Variants in DPH7 observed in about 807,000 individuals in gnomAD.
DPH7 encodes diphthine methyltransferase.
Under a neutral mutation model 41.7 loss-of-function variants are expected in DPH7, and 44 were observed. The observed-to-expected ratio is 1.05, with a 90% CI of 0.83 to 1.36. The LOEUF (loss-of-function observed/expected upper bound fraction) is 1.36, where lower values mean the gene tolerates loss of function less well. Ranked by LOEUF, DPH7 falls within the 40% of genes most tolerant of loss-of-function variation. The probability of loss-of-function intolerance (pLI) is 0.00; values close to 1 mark genes in which losing one functional copy is unlikely to be tolerated. For synonymous variants in DPH7, 275 were observed against 238.0 expected (o/e 1.16, Z -1.43); for missense variants, 629 against 577.5 (o/e 1.09, Z -0.91).
At chr9:137,557,044 CCT>C (rs1485760344) in intron 8 of DPH7, among the ~76,000 whole-genome samples, 2 of 152,166 alleles carry the variant, frequency 1.3e-5, no homozygotes, top group African/African-American at 4.8e-5. Flanking sequence ...TGCCTCACCT[CCT>C]GAGTAGCTGC....
chr9:137,559,412 G>A (rs1014281833), intron 8 of DPH7, among the ~76,000 whole-genome samples: 6 of 151,814 alleles, frequency 4.0e-5, no homozygotes, highest in African/African-American at 1.5e-4. Flanking sequence ...TGGAAAGGGA[G>A]TCTCCCTTTC....
At chr9:137,577,867 T>C in intron 1 of DPH7, 1 of 788,178 alleles carries the variant, frequency 1.3e-6, no homozygotes, top group Non-Finnish European at 1.5e-6. Context: ...CCAGTTTGCC[T>C]GGGACAGTCC....
rs866732694 is a variant in DPH7 at position 137,567,748 on chromosome 9, T to G, written c.641-2594A>C. On this transcript the variant is annotated intron_variant, in intron 5 of 8. Coordinates refer to ENST00000277540, the MANE Select transcript of DPH7 (RefSeq NM_138778.5). ...GACTCTGTCTGTGAGGAAGCTCCCC[T>G]GGGTGACTCTGTCTGTGAGGAAGCT... Among the ~76,000 whole-genome samples, 4 of 1,796 alleles carry G rather than the reference T, an allele frequency of 2.2e-3. No homozygotes were observed. The African/African-American group carries it at 0.022, about 10-fold the overall frequency. The allele number at this position is 1,796 out of a possible 152,430, so 1.2% of individuals were successfully genotyped here. A position where few individuals can be genotyped will look rare whatever the true frequency, so the allele number is the denominator to read the frequency against.
At chr9:137,568,892 TAAG>T (rs1208158029) in intron 5 of DPH7, among the ~76,000 whole-genome samples, 2 of 152,100 alleles carry the variant, frequency 1.3e-5, no homozygotes, top group African/African-American at 2.4e-5. Context: ...CCCTGGCTTC[TAAG>T]AAGAAGAGTT....
chr9:137,569,659 T>TCCACCACCCACGAGCCACCAC, intron 5 of DPH7, among the ~76,000 whole-genome samples: 1 of 82,714 alleles, frequency 1.2e-5, no homozygotes, highest in Admixed American at 1.4e-4. Context: ...CCATCCACCA[T>TCCACCACCCACGAGCCACCAC]CCACCACCCA....
intron 4 of DPH7, 88 bp from the exon 5 acceptor site, chr9:137,574,468 C>T (rs1841036107): frequency 4.0e-5 from 57 of 1,430,696 alleles, no homozygotes; most frequent in Non-Finnish European, 5.4e-5. Flanking sequence ...GAGACGGTCT[C>T]CACAGCCCTG....
chr9:137,560,988 C>A (rs1355835039), intron 8 of DPH7, among the ~76,000 whole-genome samples: 1 of 140,584 alleles, frequency 7.1e-6, no homozygotes, highest in Admixed American at 7.7e-5. Context: ...TGCCACTGCA[C>A]TCCAGCCAGG....
intron 3 of DPH7, 96 bp from the exon 4 acceptor site, chr9:137,574,939 T>C: frequency 6.4e-7 from 1 of 1,571,950 alleles, no homozygotes; most frequent in Non-Finnish European, 8.6e-7. Context: ...CGTTCCCTCA[T>C]TTACAACCTA....
rs1837444818 is a variant in DPH7, at chr9:137,556,015, C to A, written c.950-367G>T. ...GGGAAGGAAGGGGATGTCTGAGGAACAGGCAGCATGTGTACAGCAGAGGTG... is the reference window on the plus strand; with the variant it reads ...GGGAAGGAAGGGGATGTCTGAGGAAAAGGCAGCATGTGTACAGCAGAGGTG... On this transcript the variant is annotated intron_variant, in intron 8 of 8. Coordinates refer to ENST00000277540, the MANE Select transcript of DPH7 (RefSeq NM_138778.5). This position sits in a 1 kb window ranked among gnomAD's most constrained non-coding sequence, Gnocchi z 5.2. Among the ~76,000 whole-genome samples, 1 of 152,170 alleles carries A rather than the reference C, an allele frequency of 6.6e-6. No homozygotes were observed.
intron 8 of DPH7, among the ~76,000 whole-genome samples, chr9:137,559,935 C>T (rs1032492455): frequency 2.0e-5 from 3 of 152,212 alleles, no homozygotes; most frequent in Non-Finnish European, 4.4e-5. Flanking sequence ...TACACTCTCT[C>T]GTCGCCGCAC....
chr9:137,555,444 T>C lies in DPH7; in HGVS notation c.1154A>G (p.Asp385Gly). ...TPCHECREDN[D>G]GEGHARPQSG... Reference sequence around the variant, plus strand: ...CTGGGGTCTGGCATGGCCCTCCCCATCGTTATCCTCTCTGCATTCATGACA... The same window carrying C: ...CTGGGGTCTGGCATGGCCCTCCCCACCGTTATCCTCTCTGCATTCATGACA... Residue 385 changes from aspartate to glycine, a missense_variant, in exon 9 of 9, where the codon GAT (aspartate) becomes GGT (glycine). Physicochemically the swap from Asp to Gly is moderately conservative, Grantham distance 94. Coordinates refer to ENST00000277540, the MANE Select transcript of DPH7 (RefSeq NM_138778.5). The C allele has an allele frequency of 6.2e-7, 1 of 1,614,086 alleles. No individual in the cohort carries two copies. Among genetic ancestry groups the C allele is most frequent in the Non-Finnish European group, 8.5e-7 (1 of 1,179,992 alleles).
At chr9:137,569,585 CCCCGTCT>C in intron 5 of DPH7, among the ~76,000 whole-genome samples, 2 of 137,422 alleles carry the variant, frequency 1.5e-5, no homozygotes, top group African/African-American at 2.8e-5. Flanking sequence ...TCCATCCACC[CCCCGTCT>C]ATCAAGCCAG....
Position 137,558,948 on chromosome 9 carries a change from G to A in DPH7, c.950-3300C>T, listed in dbSNP as rs113021452. 1.7e-4 allele frequency among the ~76,000 whole-genome samples: 26 copies of A among 152,230 alleles called. No individual in the cohort carries two copies. In the East Asian group the frequency reaches 2.5e-3, roughly 15 times the overall value. ...TGGGATTACAGGCGTGAGACACTGC[G>A]CCCGGCCTTGAATGTCTTTAATACC... On this transcript the variant is annotated intron_variant, in intron 8 of 8. Coordinates refer to ENST00000277540, the MANE Select transcript of DPH7 (RefSeq NM_138778.5).
chr9:137,578,898 G>T lies in DPH7; in HGVS notation c.-121C>A, dbSNP rs1220479906. 7 of 1,079,386 alleles carry T rather than the reference G, an allele frequency of 6.5e-6. No individual in the cohort carries two copies. Among genetic ancestry groups the T allele is most frequent in the East Asian group, 6.6e-5 (2 of 30,420 alleles). 66.9% of individuals were successfully genotyped at this position (1,079,386 alleles called of 1,614,324 possible). A position where few individuals can be genotyped will look rare whatever the true frequency, so the allele number is the denominator to read the frequency against. ...ACGAGCGCAGAGCCCCAGGGACACC[G>T]TCAGCGCGGGCCGCCTCTCTCGCGA... On this transcript the variant is annotated 5_prime_UTR_variant, in exon 1 of 9. Coordinates refer to ENST00000277540, the MANE Select transcript of DPH7 (RefSeq NM_138778.5).
At position 137,577,926 on chromosome 9, in the gene DPH7, C is replaced by T. The variant is rs974191380; in HGVS notation, c.154-323G>A. 4 of 977,750 alleles carry T rather than the reference C, an allele frequency of 4.1e-6. No homozygotes were observed. In the African/African-American group the frequency reaches 7.0e-5, roughly 17 times the overall value. The allele number at this position is 977,750 out of a possible 1,614,324, so 60.6% of individuals were successfully genotyped here. A position where few individuals can be genotyped will look rare whatever the true frequency, so the allele number is the denominator to read the frequency against. On this transcript the variant is annotated intron_variant, in intron 1 of 8. Transcript: ENST00000277540. ...GCCCAATTTGGATCCTAATATGTACCCACCAGAAGTTAAGATATAATTCCC... is the reference window on the plus strand; with the variant it reads ...GCCCAATTTGGATCCTAATATGTACTCACCAGAAGTTAAGATATAATTCCC...
chr9:137,570,470 C>T (rs1840244360), intron 5 of DPH7, among the ~76,000 whole-genome samples: 2 of 152,222 alleles, frequency 1.3e-5, no homozygotes, highest in Admixed American at 6.5e-5. Context: ...CTGCTCTGGG[C>T]TGTCTCATCA....
intron 8 of DPH7, among the ~76,000 whole-genome samples, chr9:137,563,525 C>T (rs1838985541): frequency 1.5e-5 from 2 of 132,474 alleles, no homozygotes; most frequent in East Asian, 2.0e-4. Flanking sequence ...GAGCAAGACT[C>T]CGTCTCAAAA....
rs767725400 is a variant in DPH7 at position 137,555,343 on chromosome 9, C to A, written c.1255G>T (p.Asp419Tyr). ...GCTTCTTCTGGGTTCACGCCACAGT[C>A]ACGTGTGGTGGCTGCTGTAGCCTGC... is the stretch of plus-strand genomic sequence containing the variant. ...WLQATAATTR[D>Y]CGVNPEEADS... The change falls in exon 9 of 9, where the codon GAC (aspartate) becomes TAC (tyrosine). Residue 419 changes from aspartate (D) to tyrosine (Y), a missense_variant. By Grantham distance (160) the Asp-to-Tyr change is radical (BLOSUM62 -3). Transcript: ENST00000277540. The A allele has an allele frequency of 3.1e-6, 5 of 1,614,200 alleles. No homozygotes were observed. In the South Asian group the frequency reaches 4.4e-5, roughly 14 times the overall value.
intron 2 of DPH7, among the ~76,000 whole-genome samples, chr9:137,576,663 G>A (rs1841445149): frequency 6.6e-6 from 1 of 152,158 alleles, no homozygotes; most frequent in African/African-American, 2.4e-5. Flanking sequence ...GGCTGAGGCG[G>A]GTGGATCACG....
Sources: gnomAD v4.1 joint callset for allele counts (sites outside exome capture counted in the v4.1 genomes callset) on GRCh38, gnomAD v4.1.1 for gene constraint, Gnocchi (gnomAD v3.1) non-coding constraint, MANE v1.5 for transcripts, NCBI Gene and HGNC (gene_info 2026-07-23, HGNC 2026-07-21) for gene names.